Variants in SEMA6D observed in about 807,000 individuals in gnomAD.
SEMA6D encodes semaphorin 6D, also known as semaphorin-6D.
In SEMA6D, 35 loss-of-function variants were observed where a neutral mutation model predicts 106.6. That is an observed-to-expected ratio of 0.33 (90% CI 0.25 to 0.44). SEMA6D has a LOEUF of 0.44. SEMA6D is among the 20% of genes least tolerant of loss of function. The probability of loss-of-function intolerance (pLI) is 1.00; values close to 1 mark genes in which losing one functional copy is unlikely to be tolerated. For synonymous variants in SEMA6D, 499 were observed against 487.7 expected (o/e 1.02, Z -0.31); for missense variants, 1,185 against 1,345.9 (o/e 0.88, Z 1.87).
intron 1 of SEMA6D, among the ~76,000 whole-genome samples, chr15:47,324,200 C>A (rs1021442257): frequency 6.6e-6 from 1 of 152,104 alleles, no homozygotes; most frequent in Non-Finnish European, 1.5e-5. Context: ...ATATATAACA[C>A]AAGTTCACAC....
intron 4 of SEMA6D, among the ~76,000 whole-genome samples, chr15:47,687,060 T>G (rs2145691032): frequency 8.9e-6 from 1 of 112,572 alleles, no homozygotes; most frequent in South Asian, 3.4e-4. Context: ...AGCAAGACCC[T>G]GTATCCAAAA....
intron 1 of SEMA6D, among the ~76,000 whole-genome samples, chr15:47,275,611 A>G (rs1017181324): frequency 3.9e-4 from 59 of 152,218 alleles, no homozygotes; most frequent in African/African-American, 1.4e-3. Flanking sequence ...GTGGCAAACT[A>G]ATTGATAAAA....
At chr15:47,484,234 T>C (rs1162781305) in intron 3 of SEMA6D, among the ~76,000 whole-genome samples, 1 of 152,128 alleles carries the variant, frequency 6.6e-6, no homozygotes, top group Non-Finnish European at 1.5e-5. Context: ...CAGTAGGAGT[T>C]ATCTTCTGCC....
At chr15:47,348,727 C>CCACACACAGAGAGAGAGAG (rs1555425939) in intron 1 of SEMA6D, among the ~76,000 whole-genome samples, 3 of 57,120 alleles carry the variant, frequency 5.3e-5, no homozygotes, top group African/African-American at 1.5e-4. Flanking sequence ...ACCACACACA[C>CCACACACAGAGAGAGAGAG]AGAGAGAGAG....
At chr15:47,532,392 C>T (rs969993892) in intron 3 of SEMA6D, among the ~76,000 whole-genome samples, 1 of 152,200 alleles carries the variant, frequency 6.6e-6, no homozygotes, top group African/African-American at 2.4e-5. Flanking sequence ...TCTCTCCCTC[C>T]TCCTCTGGGT....
intron 17 of SEMA6D, among the ~76,000 whole-genome samples, chr15:47,767,752 T>C (rs1437604861): frequency 6.6e-6 from 1 of 152,190 alleles, no homozygotes; most frequent in East Asian, 1.9e-4. Context: ...GGCTTACATT[T>C]TGAGGGAAAA....
At chr15:47,609,073 A>G (rs1424553784) in intron 4 of SEMA6D, among the ~76,000 whole-genome samples, 15 of 152,208 alleles carry the variant, frequency 9.9e-5, no homozygotes, top group African/African-American at 3.4e-4. Flanking sequence ...ACAATAGCTT[A>G]AAGTTGTATC....
In SEMA6D at chr15:47,538,353, T is replaced by C. The variant is rs898301177; in HGVS notation, c.-86-62512T>C. Among the ~76,000 whole-genome samples, 6 of 152,266 alleles carry C rather than the reference T, an allele frequency of 3.9e-5. No individual in the cohort carries two copies. The East Asian group carries it at 5.8e-4, about 15-fold the overall frequency. On this transcript the variant is annotated intron_variant, in intron 3 of 19. Coordinates refer to the SEMA6D transcript ENST00000558014. ...GAAGTTGGGTGTTGATACAATGGGG[T>C]TAAAGGCTTTTGCAGTATGTCCTGC...
rs374635391 is a variant in SEMA6D at position 47,686,290 on chromosome 15, A to G, written c.-54-73455A>G. Among the ~76,000 whole-genome samples, 694 of 152,370 alleles carry G rather than the reference A, an allele frequency of 4.6e-3. 6 individuals are homozygous for G. Among genetic ancestry groups the G allele is most frequent in the Non-Finnish European group, 7.2e-3 (492 of 68,036 alleles). ...AAAACTTTAAATATTTAGATGTCTC[A>G]GAAGAATTACTTAACTAAGTTCTAA... On this transcript the variant is annotated intron_variant, in intron 4 of 19. Coordinates refer to the SEMA6D transcript ENST00000558014.
intron 1 of SEMA6D, among the ~76,000 whole-genome samples, chr15:47,270,954 AT>A (rs1372880296): frequency 6.6e-6 from 1 of 152,172 alleles, no homozygotes; most frequent in Non-Finnish European, 1.5e-5. Flanking sequence ...CAAAAAAAAA[AT>A]ATAGATATAA....
intron 4 of SEMA6D, among the ~76,000 whole-genome samples, chr15:47,711,309 C>CAAAAAAAAAA: frequency 1.0e-5 from 1 of 97,816 alleles, no homozygotes; most frequent in Non-Finnish European, 1.9e-5. Flanking sequence ...GACTCCGTCT[C>CAAAAAAAAAA]AAAAAAAAAA....
rs1237629042 is a variant in SEMA6D, at chr15:47,278,298, T to C, written c.-239+93880T>C. 9.2e-5 allele frequency among the ~76,000 whole-genome samples: 14 copies of C among 152,226 alleles called. No homozygotes were observed. The East Asian group carries it at 2.3e-3, about 25-fold the overall frequency. On this transcript the variant is annotated intron_variant, in intron 1 of 19. Coordinates refer to the SEMA6D transcript ENST00000558014. ...TGTTGTTTCCTGACATTTTAATGAT[T>C]GCCATTCTAACTGGTGTGAGATGGT...
intron 1 of SEMA6D, among the ~76,000 whole-genome samples, chr15:47,755,692 G>A (rs1320743897): frequency 6.6e-6 from 1 of 151,392 alleles, no homozygotes; most frequent in Non-Finnish European, 1.5e-5. Flanking sequence ...GATAGCCTTT[G>A]GTTATTTACT....
At chr15:47,336,936 TC>T (rs1293592927) in intron 1 of SEMA6D, among the ~76,000 whole-genome samples, 1 of 152,136 alleles carries the variant, frequency 6.6e-6, no homozygotes, top group Non-Finnish European at 1.5e-5. Flanking sequence ...TTGGACTGCA[TC>T]CTGTTTTCCT....
chr15:47,482,040 A>G (rs1363940585), intron 3 of SEMA6D, among the ~76,000 whole-genome samples: 1 of 152,174 alleles, frequency 6.6e-6, no homozygotes, highest in Non-Finnish European at 1.5e-5. Context: ...AAGGCATGCA[A>G]GGAAAACAGT....
intron 3 of SEMA6D, among the ~76,000 whole-genome samples, chr15:47,496,613 C>T (rs1479991618): frequency 3.9e-5 from 6 of 152,014 alleles, no homozygotes; most frequent in Admixed American, 3.9e-4. Flanking sequence ...CTGATAACAG[C>T]GTCACCTAAA....
At chr15:47,528,341 C>G (rs71467627) in intron 3 of SEMA6D, among the ~76,000 whole-genome samples, 1 of 152,170 alleles carries the variant, frequency 6.6e-6, no homozygotes, top group Non-Finnish European at 1.5e-5. Flanking sequence ...TTCATGGCTC[C>G]TAAGGGCTGA....
intron 1 of SEMA6D, among the ~76,000 whole-genome samples, chr15:47,187,942 G>A (rs1276448768): frequency 1.3e-5 from 2 of 152,074 alleles, no homozygotes; most frequent in East Asian, 1.9e-4. Flanking sequence ...TTAAAAGTCC[G>A]AGCTGTGTAG....
At chr15:47,339,949 G>A (rs1435275275) in intron 1 of SEMA6D, among the ~76,000 whole-genome samples, 1 of 152,150 alleles carries the variant, frequency 6.6e-6, no homozygotes, top group African/African-American at 2.4e-5. Context: ...AATGGGATAA[G>A]GGAGACAGAG....
Sources: gnomAD v4.1 joint callset for allele counts (sites outside exome capture counted in the v4.1 genomes callset) on GRCh38, gnomAD v4.1.1 for gene constraint, MANE v1.5 for transcripts, NCBI Gene and HGNC (gene_info 2026-07-23, HGNC 2026-07-21) for gene names.